Variants in ABL2 observed in about 807,000 individuals in gnomAD.
The protein encoded by ABL2 is ABL proto-oncogene 2, non-receptor tyrosine kinase, also known as tyrosine-protein kinase ABL2.
Under a neutral mutation model 107.7 loss-of-function variants are expected in ABL2, and 49 were observed. That is an observed-to-expected ratio of 0.45 (90% CI 0.36 to 0.58). ABL2 has a LOEUF of 0.58. Ranked by LOEUF, ABL2 falls within the 20% of genes least tolerant of loss-of-function variation. The pLI is 0.00. For synonymous variants in ABL2, 549 were observed against 548.6 expected, an observed-to-expected ratio of 1.00 and a Z score of -0.01; for missense variants, 1,245 against 1,457.0, an observed-to-expected ratio of 0.85 and a Z score of 2.37.
chr1:179,181,946 ATTTTTTT>A (rs34828452), intron 1 of ABL2, among the ~76,000 whole-genome samples: 5 of 91,200 alleles, frequency 5.5e-5, no homozygotes, highest in East Asian at 3.4e-4. Context: ...AGGCCCGGCT[ATTTTTTT>A]TTTTTTTTTT....
chr1:179,155,784 T>G (rs1188905325), intron 1 of ABL2, among the ~76,000 whole-genome samples: 1 of 151,034 alleles, frequency 6.6e-6, no homozygotes, highest in African/African-American at 2.4e-5. Context: ...TTAGAATCCA[T>G]CCAAAAAAAA....
chr1:179,107,838 C>T lies in ABL2; in HGVS notation c.3429G>A (p.Leu1143=), dbSNP rs1277686514. ...KFAFREAVSK[L]ELSLQELQVS... Reference sequence around the variant, plus strand: ...CCTGTAGCTCCTGCAGGCTGAGTTCCAGTTTGCTCACAGCCTCTCGGAAGG... The same window carrying T: ...CCTGTAGCTCCTGCAGGCTGAGTTCTAGTTTGCTCACAGCCTCTCGGAAGG... Residue 1143 remains leucine (L), a synonymous_variant, in exon 12 of 12, where the codon CTG becomes CTA. Transcript: ENST00000502732. 2 of 1,614,194 alleles carry T rather than the reference C, an allele frequency of 1.2e-6. No individual in the cohort carries two copies. Among genetic ancestry groups the T allele is most frequent in the Non-Finnish European group, 1.7e-6 (2 of 1,180,040 alleles).
intron 1 of ABL2, among the ~76,000 whole-genome samples, chr1:179,157,603 A>C (rs1416471740): frequency 6.6e-6 from 1 of 152,166 alleles, no homozygotes; most frequent in Non-Finnish European, 1.5e-5. Context: ...AATAAGGGAT[A>C]CTTAGCCTGT....
rs374458729 is a variant in ABL2, at chr1:179,112,026, T to C, written c.1651+283A>G. ...CACCACTGCACTCCAGCCTGGGTGATAGAGTGAGACTCCATCTCAAAAAAA... is the reference window on the plus strand; with the variant it reads ...CACCACTGCACTCCAGCCTGGGTGACAGAGTGAGACTCCATCTCAAAAAAA... On this transcript the variant is annotated intron_variant, in intron 10 of 11. Coordinates refer to ENST00000502732, the MANE Select transcript of ABL2 (RefSeq NM_007314.4). Among the ~76,000 whole-genome samples, 117 of 151,622 alleles carry C rather than the reference T, an allele frequency of 7.7e-4. 1 individual carries two copies. The highest frequency in any genetic ancestry group is 1.4e-3 in the East Asian group (7 of 5,148).
chr1:179,218,397 C>T (rs1020675909), intron 1 of ABL2, among the ~76,000 whole-genome samples: 2 of 138,354 alleles, frequency 1.4e-5, no homozygotes, highest in Non-Finnish European at 3.2e-5. Flanking sequence ...TGATCAAGTA[C>T]TCTTTTCTTT....
chr1:179,099,506 A>T lies in ABL2; in HGVS notation c.*8212T>A, dbSNP rs1410849084. The T allele has an allele frequency of 4.0e-5, 9 of 223,958 alleles. No homozygotes were observed. In the East Asian group the frequency reaches 5.8e-4, roughly 14 times the overall value. 13.9% of individuals were successfully genotyped at this position (223,958 alleles called of 1,614,324 possible). Reference sequence around the variant, plus strand: ...GAGAATTAAATTAGAAAAACAACTGAAAATATATTACAATAACAATTAAGA... The same window carrying T: ...GAGAATTAAATTAGAAAAACAACTGTAAATATATTACAATAACAATTAAGA... On this transcript the variant is annotated 3_prime_UTR_variant, in exon 12 of 12. Coordinates refer to ENST00000502732, the MANE Select transcript of ABL2 (RefSeq NM_007314.4).
intron 1 of ABL2, among the ~76,000 whole-genome samples, chr1:179,165,168 G>A (rs1476244660): frequency 6.6e-6 from 1 of 152,084 alleles, no homozygotes; most frequent in Non-Finnish European, 1.5e-5. Context: ...AGTTATAAAT[G>A]CATAACTATA....
chr1:179,163,881 GT>G (rs1280029629), intron 1 of ABL2, among the ~76,000 whole-genome samples: 2 of 152,216 alleles, frequency 1.3e-5, no homozygotes, highest in Admixed American at 1.3e-4. Flanking sequence ...AAGGAATGAA[GT>G]ATTGATAGAC....
chr1:179,135,419 C>T (rs1324877457), intron 1 of ABL2, among the ~76,000 whole-genome samples: 3 of 151,612 alleles, frequency 2.0e-5, no homozygotes, highest in African/African-American at 4.8e-5. Context: ...TCTGCCCGGC[C>T]GCCCCGTCTG....
At chr1:179,175,401 G>A (rs1352427514) in intron 1 of ABL2, among the ~76,000 whole-genome samples, 1 of 152,130 alleles carries the variant, frequency 6.6e-6, no homozygotes, top group Non-Finnish European at 1.5e-5. Context: ...TGGGTCCTCT[G>A]TTCCCTGCCC....
chr1:179,178,778 T>A (rs1660204855), intron 1 of ABL2, among the ~76,000 whole-genome samples: 1 of 151,944 alleles, frequency 6.6e-6, no homozygotes, highest in South Asian at 2.1e-4. Context: ...GTGCCTGTAA[T>A]CCCAGCTACT....
chr1:179,199,857 C>T (rs543044647), intron 1 of ABL2, among the ~76,000 whole-genome samples: 1 of 151,036 alleles, frequency 6.6e-6, no homozygotes, highest in Admixed American at 6.6e-5. Flanking sequence ...CTCAGCCTCC[C>T]GAGCAGCTGG....
At chr1:179,178,920 A>C (rs142450544) in intron 1 of ABL2, among the ~76,000 whole-genome samples, 16 of 152,294 alleles carry the variant, frequency 1.1e-4, no homozygotes, top group African/African-American at 3.8e-4. Flanking sequence ...AAGGAAGAAC[A>C]TCTAAAATAA....
At chr1:179,225,901 G>A (rs556905840) in intron 1 of ABL2, among the ~76,000 whole-genome samples, 12 of 151,714 alleles carry the variant, frequency 7.9e-5, no homozygotes, top group African/African-American at 1.9e-4. Flanking sequence ...AAAATTAGCC[G>A]GGCGTGGTGG....
intron 1 of ABL2, among the ~76,000 whole-genome samples, chr1:179,208,528 T>C (rs1017651626): frequency 1.3e-4 from 20 of 152,320 alleles, no homozygotes; most frequent in Admixed American, 1.0e-3. Context: ...TTTTCTCTTA[T>C]CATATTATCA....
At chr1:179,224,781 C>G (rs1275304197) in intron 1 of ABL2, among the ~76,000 whole-genome samples, 1 of 149,368 alleles carries the variant, frequency 6.7e-6, no homozygotes, top group East Asian at 2.0e-4. Context: ...TTTGGGAGGC[C>G]GAGGCAGAGT....
At chr1:179,110,056 G>A (rs962721914) in intron 11 of ABL2, among the ~76,000 whole-genome samples, 7 of 152,176 alleles carry the variant, frequency 4.6e-5, no homozygotes, top group East Asian at 3.8e-4. Flanking sequence ...AGTTTTTGAT[G>A]GAACTGTAAA....
chr1:179,205,027 T>C (rs1557997692), intron 1 of ABL2, among the ~76,000 whole-genome samples: 1 of 116,364 alleles, frequency 8.6e-6, no homozygotes, highest in African/African-American at 3.2e-5. Flanking sequence ...ACAACTCTTT[T>C]TCTTTTTTTT....
intron 1 of ABL2, among the ~76,000 whole-genome samples, chr1:179,169,477 G>A (rs535079585): frequency 6.6e-6 from 1 of 151,828 alleles, no homozygotes; most frequent in African/African-American, 2.4e-5. Flanking sequence ...GAACCCGGGA[G>A]GCAGAGCTTG....
Sources: allele counts gnomAD v4.1 joint callset (sites outside exome capture counted in the v4.1 genomes callset), GRCh38; gene constraint gnomAD v4.1.1; transcripts MANE v1.5; gene names NCBI Gene and HGNC (gene_info 2026-07-23, HGNC 2026-07-21).